Variants in ALDH3A1 observed in about 807,000 individuals in gnomAD.
ALDH3A1 encodes aldehyde dehydrogenase 3 family member A1.
In ALDH3A1, 46 loss-of-function variants were observed where a neutral mutation model predicts 49.9. The observed-to-expected ratio is 0.92, with a 90% CI of 0.73 to 1.18. ALDH3A1 has a LOEUF of 1.18. ALDH3A1 is among the 50% of genes most tolerant of loss of function. ALDH3A1 has a pLI of 0.00. For missense variants in ALDH3A1, 592 were observed against 611.8 expected (o/e 0.97, Z 0.34); for synonymous variants, 269 against 253.3 (o/e 1.06, Z -0.59).
intron 2 of ALDH3A1, 114 bp downstream of exon 2, chr17:19,744,854 G>A: frequency 2.2e-6 from 3 of 1,359,496 alleles, no homozygotes; most frequent in Non-Finnish European, 2.8e-6. Context: ...CGAGGGGCCA[G>A]GTGGCCCCAA....
At position 19,743,309 on chromosome 17, in the gene ALDH3A1, C is replaced by G; in HGVS notation, c.317G>C (p.Gly106Ala). The G allele has an allele frequency of 5.0e-6, 8 of 1,614,196 alleles. No individual in the cohort carries two copies. Among genetic ancestry groups the G allele is most frequent in the Non-Finnish European group, 6.8e-6 (8 of 1,180,038 alleles). The stretch of plus-strand genomic sequence containing the variant: ...CCAGGTGCCAATGACGAGGACCACG[C>G]CCAGTGGCTCCGAGTGGATGTAGAG... ...DELYIHSEPL[G>A]VVLVIGTWNY... The change falls in exon 3 of 11, where the codon GGC becomes GCC. Residue 106 changes from glycine to alanine, a missense_variant. Physicochemically the swap from Gly to Ala is moderately conservative, Grantham distance 60. Transcript: ENST00000225740. The surrounding 1 kb of genome is among the most constrained non-coding windows in gnomAD (Gnocchi z 4.4).
At chr17:19,742,748 G>A (rs1415149236) in intron 3 of ALDH3A1, 118 bp from the exon 4 acceptor site, 1 of 1,562,852 alleles carries the variant, frequency 6.4e-7, no homozygotes, top group Non-Finnish European at 8.6e-7. Flanking sequence ...GTGGATGGAA[G>A]AGTTGTTAGC....
chr17:19,740,104 A>G, intron 7 of ALDH3A1: 1 of 533,550 alleles, frequency 1.9e-6, no homozygotes, highest in East Asian at 3.1e-5. Flanking sequence ...AGGGGCAGGG[A>G]GATGAGGCCC....
chr17:19,739,025 G>A lies in ALDH3A1; in HGVS notation c.1187C>T (p.Thr396Ile). The change falls in exon 9 of 11, where the codon ACC becomes ATC. Residue 396 changes from threonine (T) to isoleucine (I), a missense_variant. Thr to Ile is a moderately conservative substitution (Grantham distance 89). Coordinates refer to ENST00000225740, the MANE Select transcript of ALDH3A1 (RefSeq NM_000691.5). ...VAANDVIVHITLHSLPFGGVG... is the reference protein window; with the variant it reads ...VAANDVIVHIILHSLPFGGVG... ...GCCCCCGAAGGGCAGAGAGTGCAAG[G>A]TGATGTGGACGATGACATCGTTGGC... 1.9e-6 allele frequency: 3 copies of A among 1,613,858 alleles called. No individual in the cohort carries two copies. The highest frequency in any genetic ancestry group is 2.5e-6 in the Non-Finnish European group (3 of 1,179,990).
chr17:19,743,601 T>G lies in ALDH3A1; in HGVS notation c.163-138A>C, dbSNP rs1259714867. ...CAGGGTGGGGGCAGCCGCAGAAGGC[T>G]CCCAGGGGAAGCAGAGCCAGGATTA... On this transcript the variant is annotated intron_variant, in intron 2 of 10. Coordinates refer to ENST00000225740, the MANE Select transcript of ALDH3A1 (RefSeq NM_000691.5). This position sits in a 1 kb window ranked among gnomAD's most constrained non-coding sequence, Gnocchi z 4.4. 8 of 1,447,000 alleles carry G rather than the reference T, an allele frequency of 5.5e-6. No homozygotes were observed. Among genetic ancestry groups the G allele is most frequent in the Non-Finnish European group, 7.2e-6 (8 of 1,104,944 alleles). 89.6% of individuals were successfully genotyped at this position (1,447,000 alleles called of 1,614,324 possible). A position where few individuals can be genotyped will look rare whatever the true frequency, so the allele number is the denominator to read the frequency against.
rs777181749 is a variant in ALDH3A1, at chr17:19,745,124, G to A, written c.6C>T (p.Ser2=). M[S]KISEAVKRAR... The stretch of plus-strand genomic sequence containing the variant: ...CGCGCTTCACGGCCTCGCTGATCTT[G>A]CTCATGGCGCCTGGGGACAGAGAGC... Residue 2 remains serine (S), a synonymous_variant, in exon 2 of 11, where the codon AGC becomes AGT. Transcript: ENST00000225740. The A allele has an allele frequency of 1.3e-6, 2 of 1,576,390 alleles. No individual in the cohort carries two copies. Among genetic ancestry groups the A allele is most frequent in the African/African-American group, 1.4e-5 (1 of 72,988 alleles).
At position 19,742,003 on chromosome 17, in the gene ALDH3A1, C is replaced by T. The variant is rs1489735728; in HGVS notation, c.689+1G>A. 1 of 1,613,738 alleles carries T rather than the reference C, an allele frequency of 6.2e-7. No homozygotes were observed. The highest frequency in any genetic ancestry group is 1.1e-5 in the South Asian group (1 of 91,074). On this transcript the variant is annotated splice_donor_variant, in intron 5 of 10. Transcript: ENST00000225740. LOFTEE classifies it high-confidence loss of function. The stretch of plus-strand genomic sequence containing the variant: ...GCAGCCAGCAGGCCCGTGCCTCTCA[C>T]CGGCAGGCCACGTCCAGGTCACAGT...
Position 19,743,617 on chromosome 17 carries a change from G to A in ALDH3A1, c.163-154C>T. 2.8e-6 allele frequency: 4 copies of A among 1,429,834 alleles called. No homozygotes were observed. Among genetic ancestry groups the A allele is most frequent in the Non-Finnish European group, 2.7e-6 (3 of 1,096,348 alleles). 88.6% of individuals were successfully genotyped at this position (1,429,834 alleles called of 1,614,324 possible). On this transcript the variant is annotated intron_variant, in intron 2 of 10. Transcript: ENST00000225740. The surrounding 1 kb of genome is among the most constrained non-coding windows in gnomAD (Gnocchi z 4.4). The stretch of plus-strand genomic sequence containing the variant: ...GCAGAAGGCTCCCAGGGGAAGCAGA[G>A]CCAGGATTAGCCGTTGGACCTGTGG...
At position 19,747,018 on chromosome 17, in the gene ALDH3A1, G is replaced by A. The variant is rs191423134; in HGVS notation, c.-6+1241C>T. Among the ~76,000 whole-genome samples, 633 of 152,228 alleles carry A rather than the reference G, an allele frequency of 4.2e-3. 4 individuals carry two copies. The highest frequency in any genetic ancestry group is 0.014 in the African/African-American group (587 of 41,528). ...CAGCTGTCAGGTGCTGCCCCACAGA[G>A]GGGCCACTGTTACCAGTTCCTTACT... On this transcript the variant is annotated intron_variant, in intron 1 of 10. Transcript: ENST00000225740.
At chr17:19,740,052 G>A in intron 7 of ALDH3A1, 1 of 473,414 alleles carries the variant, frequency 2.1e-6, no homozygotes, top group South Asian at 3.5e-5. Flanking sequence ...GGCACACCTG[G>A]GGCTCCTGTG....
intron 9 of ALDH3A1, 37 bp from the exon 10 acceptor site, chr17:19,738,490 G>GC (rs779531243): frequency 1.9e-6 from 3 of 1,592,680 alleles, no homozygotes; most frequent in Admixed American, 3.4e-5. Context: ...TCAGCATCCT[G>GC]CCCCCAGGAC....
At chr17:19,744,745 C>T (rs1399845652) in intron 2 of ALDH3A1, 3 of 1,358,236 alleles carry the variant, frequency 2.2e-6, no homozygotes, top group Non-Finnish European at 2.8e-6. Context: ...GGGCGGGACG[C>T]GGAGGCCGGG....
intron 6 of ALDH3A1, 37 bp downstream of exon 6, chr17:19,741,056 G>T (rs775601551): frequency 6.5e-7 from 1 of 1,536,476 alleles, no homozygotes. Flanking sequence ...GTGCCTTACA[G>T]CCTCTCATCC....
chr17:19,738,762 A>C lies in ALDH3A1; in HGVS notation c.1216+234T>G, dbSNP rs117317042. ...GGCTGTGTGACCTCTGGCCTGGGTCACCTTTCTCAGGCCTCCATGAAATAG... is the reference window on the plus strand; with the variant it reads ...GGCTGTGTGACCTCTGGCCTGGGTCCCCTTTCTCAGGCCTCCATGAAATAG... On this transcript the variant is annotated intron_variant, in intron 9 of 10. Coordinates refer to ENST00000225740, the MANE Select transcript of ALDH3A1 (RefSeq NM_000691.5). Among the ~76,000 whole-genome samples, 374 of 152,264 alleles carry C rather than the reference A, an allele frequency of 2.5e-3. 16 individuals are homozygous for C. The East Asian group carries it at 0.06, about 24-fold the overall frequency.
intron 1 of ALDH3A1, chr17:19,745,373 G>C (rs1273681418): frequency 2.0e-6 from 1 of 490,096 alleles, no homozygotes; most frequent in African/African-American, 2.0e-5. Flanking sequence ...GTCCTAAGCC[G>C]AACTGCTGCT....
chr17:19,742,475 AC>A (rs527585171), intron 4 of ALDH3A1, 69 bp downstream of exon 4: 4 of 1,512,932 alleles, frequency 2.6e-6, no homozygotes, highest in South Asian at 1.3e-5. Context: ...ACTATTTCTC[AC>A]CCCCCAAAGA....
At position 19,746,677 on chromosome 17, in the gene ALDH3A1, GCATGT is replaced by G. The variant is rs2086602992; in HGVS notation, c.-5-1548_-5-1544del. Among the ~76,000 whole-genome samples the G allele has an allele frequency of 2.0e-5, 3 of 146,982 alleles. No homozygotes were observed. The South Asian group carries it at 6.4e-4, about 31-fold the overall frequency. ...TGCATGTGTGTGTGTGCGTGTGTGT[GCATGT>G]GCGTGTGTGTGTGCGTGCGTGTGTG... On this transcript the variant is annotated intron_variant, in intron 1 of 10. Coordinates refer to ENST00000225740, the MANE Select transcript of ALDH3A1 (RefSeq NM_000691.5).
At position 19,742,106 on chromosome 17, in the gene ALDH3A1, A is replaced by G. The variant is rs747379738; in HGVS notation, c.587T>C (p.Ile196Thr). The G allele has an allele frequency of 6.2e-7, 1 of 1,613,962 alleles. No individual in the cohort carries two copies. Among genetic ancestry groups the G allele is most frequent in the Non-Finnish European group, 8.5e-7 (1 of 1,180,000 alleles). The change falls in exon 5 of 11, where the codon ATC becomes ACC. Residue 196 changes from isoleucine (I) to threonine (T), a missense_variant. Transcript: ENST00000225740. ...YTGSTGVGKI[I>T]MTAAAKHLTP... is the part of the protein sequence containing the mutation. ...CAGGTGCTTGGCAGCAGCCGTCATG[A>G]TGATCTTCCCCACCCCCGTGCTGCC...
chr17:19,740,570 G>T (rs1233115348), intron 6 of ALDH3A1, 93 bp from the exon 7 acceptor site: 4 of 1,447,496 alleles, frequency 2.8e-6, no homozygotes, highest in Non-Finnish European at 2.8e-6. Context: ...TCTGTCTTTG[G>T]GTGGTGGGAT....
Sources: allele counts gnomAD v4.1 joint callset (sites outside exome capture counted in the v4.1 genomes callset), GRCh38; gene constraint gnomAD v4.1.1; non-coding constraint Gnocchi (gnomAD v3.1); transcripts MANE v1.5; gene names NCBI Gene and HGNC (gene_info 2026-07-23, HGNC 2026-07-21).